Variants in ANK2 observed in about 807,000 individuals in gnomAD.
ANK2 encodes the protein ankyrin 2, also known as ankyrin-2.
Under a neutral mutation model 360.5 loss-of-function variants are expected in ANK2, and 83 were observed. That is an observed-to-expected ratio of 0.23 (90% CI 0.19 to 0.28). The LOEUF (loss-of-function observed/expected upper bound fraction) is 0.28. ANK2 is among the 10% of genes least tolerant of loss of function. The pLI, the probability that ANK2 is intolerant of heterozygous loss-of-function variation, is 1.00. For missense variants in ANK2, 4,201 were observed against 4,795.7 expected (o/e 0.88, Z 3.66); for synonymous variants, 1,740 against 1,759.5 (o/e 0.99, Z 0.28).
chr4:112,788,268 G>T, the ANK2 span: 2 of 1,581,900 alleles, frequency 1.3e-6, no homozygotes, highest in Non-Finnish European at 1.7e-6. Flanking sequence ...GAGTTCACCT[G>T]TGTGAAGGCG....
intron 2 of ANK2, among the ~76,000 whole-genome samples, chr4:112,958,174 C>T (rs1278319366): frequency 3.3e-5 from 5 of 152,154 alleles, no homozygotes; most frequent in Non-Finnish European, 5.9e-5. Flanking sequence ...AGAGAGGCTC[C>T]TCACTTCCCA....
intron 26 of ANK2, among the ~76,000 whole-genome samples, chr4:113,325,586 T>C (rs368235638): frequency 2.0e-5 from 3 of 152,222 alleles, no homozygotes; most frequent in East Asian, 3.8e-4. Context: ...ATATCTTATT[T>C]AAGTAAACTT....
intron 9 of ANK2, among the ~76,000 whole-genome samples, chr4:113,245,440 A>C (rs992663193): frequency 6.6e-6 from 1 of 152,232 alleles, no homozygotes; most frequent in African/African-American, 2.4e-5. Flanking sequence ...ATTGACTCAC[A>C]GTTCTGCAGG....
intron 23 of ANK2, among the ~76,000 whole-genome samples, chr4:113,310,699 G>A (rs1459000949): frequency 6.6e-6 from 1 of 152,240 alleles, no homozygotes; most frequent in East Asian, 1.9e-4. Flanking sequence ...TTACAGGCAT[G>A]AGCCACTGCA....
intron 2 of ANK2, among the ~76,000 whole-genome samples, chr4:113,040,392 C>G (rs4260545): frequency 0.85 from 129,715 of 152,042 alleles, 55,561 homozygotes; most frequent in East Asian, 0.98. Context: ...TTTTAGATTG[C>G]ACAGGGTAAA....
intron 4 of ANK2, among the ~76,000 whole-genome samples, chr4:113,227,133 G>T (rs974914880): frequency 6.6e-6 from 1 of 152,122 alleles, no homozygotes; most frequent in Admixed American, 6.6e-5. Context: ...TTACCCAGAG[G>T]CATGTTTCAC....
intron 1 of ANK2, among the ~76,000 whole-genome samples, chr4:112,855,529 C>A (rs2066154752): frequency 6.6e-6 from 1 of 152,082 alleles, no homozygotes; most frequent in Non-Finnish European, 1.5e-5. Context: ...AGAATACAGT[C>A]TTTTTCCCCC....
At chr4:113,315,725 T>C (rs190952841) in intron 24 of ANK2, among the ~76,000 whole-genome samples, 1,520 of 151,730 alleles carry the variant, frequency 0.01, 14 homozygotes, top group African/African-American at 0.025. Flanking sequence ...GGTGAAACCC[T>C]GTCTCTACTA....
At chr4:112,975,344 G>C (rs2041015541) in intron 2 of ANK2, among the ~76,000 whole-genome samples, 1 of 151,888 alleles carries the variant, frequency 6.6e-6, no homozygotes, top group Admixed American at 6.6e-5. Context: ...GATGCCAAAT[G>C]TTCCTTCAAA....
chr4:112,939,641 A>G (rs2094048247), intron 2 of ANK2, among the ~76,000 whole-genome samples: 1 of 152,188 alleles, frequency 6.6e-6, no homozygotes, highest in South Asian at 2.1e-4. Context: ...ATACAATTTT[A>G]TTTTAAAGTT....
At chr4:113,160,327 A>C (rs1216108046) in intron 1 of ANK2, 1 of 416,146 alleles carries the variant, frequency 2.4e-6, no homozygotes, top group African/African-American at 2.1e-5. Flanking sequence ...CAGCCTCTCA[A>C]AGTGCTAGGA....
At chr4:112,942,181 A>G (rs570037580) in intron 2 of ANK2, among the ~76,000 whole-genome samples, 10 of 152,148 alleles carry the variant, frequency 6.6e-5, no homozygotes, top group Admixed American at 6.6e-4. Flanking sequence ...AGAAGGATAG[A>G]TAGGATCCTA....
chr4:113,222,779 T>C (rs2153496619), intron 4 of ANK2, among the ~76,000 whole-genome samples: 1 of 152,326 alleles, frequency 6.6e-6, no homozygotes, highest in South Asian at 2.1e-4. Flanking sequence ...TTTAATGTCA[T>C]TGGATAGTTT....
chr4:112,993,425 C>T (rs865838233), intron 2 of ANK2, among the ~76,000 whole-genome samples: 1 of 151,754 alleles, frequency 6.6e-6, no homozygotes, highest in Non-Finnish European at 1.5e-5. Flanking sequence ...CCTCAGCCTT[C>T]GGAGTAGCTG....
intron 10 of ANK2, among the ~76,000 whole-genome samples, chr4:113,251,823 G>C (rs1217177619): frequency 6.6e-6 from 1 of 151,578 alleles, no homozygotes; most frequent in East Asian, 1.9e-4. Flanking sequence ...AGAAATTAGT[G>C]GGCATGATAG....
At chr4:113,257,943 G>C in intron 11 of ANK2, 107 bp from the exon 12 acceptor site, 1 of 1,093,634 alleles carries the variant, frequency 9.1e-7, no homozygotes, top group Non-Finnish European at 1.4e-6. Flanking sequence ...TGAAGAAATG[G>C]TAACATTATG....
chr4:113,080,823 G>C (rs2082113434), intron 1 of ANK2, among the ~76,000 whole-genome samples: 1 of 152,070 alleles, frequency 6.6e-6, no homozygotes, highest in Non-Finnish European at 1.5e-5. Context: ...AAATCAATCG[G>C]AGTTGTGAAA....
chr4:112,821,565 G>A (rs982639923), intron 1 of ANK2, among the ~76,000 whole-genome samples: 1 of 149,112 alleles, frequency 6.7e-6, no homozygotes, highest in African/African-American at 2.5e-5. Context: ...GTGCAGTGGT[G>A]TGATCACAGC....
intron 26 of ANK2, among the ~76,000 whole-genome samples, chr4:113,326,182 A>G (rs1473704760): frequency 6.6e-6 from 1 of 152,152 alleles, no homozygotes; most frequent in Non-Finnish European, 1.5e-5. Context: ...GTGGTAGAAT[A>G]CCTGTCTCCT....
Sources: allele counts gnomAD v4.1 joint callset (sites outside exome capture counted in the v4.1 genomes callset), GRCh38; gene constraint gnomAD v4.1.1; transcripts MANE v1.5; gene names NCBI Gene and HGNC (gene_info 2026-07-23, HGNC 2026-07-21).